MACROD2: variants seen among roughly 807,000 people sequenced by gnomAD.
MACROD2 encodes ADP-ribose glycohydrolase MACROD2.
Under a neutral mutation model 70.4 loss-of-function variants are expected in MACROD2, and 36 were observed. That is an observed-to-expected ratio of 0.51 (90% CI 0.39 to 0.68). MACROD2 has a LOEUF of 0.68. Among genes scored for constraint, MACROD2 ranks in the 30% least tolerant of loss-of-function variants. The probability of loss-of-function intolerance (pLI) is 0.00; values close to 1 mark genes in which losing one functional copy is unlikely to be tolerated. For synonymous variants in MACROD2, 172 were observed against 178.8 expected, an observed-to-expected ratio of 0.96 and a Z score of 0.30; for missense variants, 496 against 538.4, an observed-to-expected ratio of 0.92 and a Z score of 0.78.
chr20:14,843,560 T>G (rs1429911550), intron 5 of MACROD2, among the ~76,000 whole-genome samples: 1 of 152,090 alleles, frequency 6.6e-6, no homozygotes, highest in Non-Finnish European at 1.5e-5. Context: ...AAAACTAACC[T>G]CAATACATTC....
At chr20:14,944,743 A>C (rs1047945402) in intron 5 of MACROD2, among the ~76,000 whole-genome samples, 1 of 152,166 alleles carries the variant, frequency 6.6e-6, no homozygotes, top group African/African-American at 2.4e-5. Context: ...TGCAGACAGT[A>C]ATCACTGGTG....
At chr20:14,408,656 A>G (rs1185762110) in intron 3 of MACROD2, among the ~76,000 whole-genome samples, 1 of 152,182 alleles carries the variant, frequency 6.6e-6, no homozygotes, top group East Asian at 1.9e-4. Flanking sequence ...CCAAGTGGGT[A>G]GCGCCCACTA....
chr20:14,814,467 A>C (rs1280379877), intron 5 of MACROD2, among the ~76,000 whole-genome samples: 1 of 152,084 alleles, frequency 6.6e-6, no homozygotes, highest in Non-Finnish European at 1.5e-5. Context: ...TCTTTGTGAT[A>C]AGACATTCTA....
chr20:14,284,311 A>G (rs1338823806), intron 3 of MACROD2, among the ~76,000 whole-genome samples: 1 of 152,242 alleles, frequency 6.6e-6, no homozygotes, highest in Admixed American at 6.5e-5. Flanking sequence ...GTGGAAAGAC[A>G]TTATAAAACT....
intron 5 of MACROD2, among the ~76,000 whole-genome samples, chr20:14,696,625 C>A (rs1021686550): frequency 6.6e-6 from 1 of 152,098 alleles, no homozygotes; most frequent in Admixed American, 6.5e-5. Flanking sequence ...CTCTTCCTAC[C>A]TGTGACATTT....
chr20:15,039,347 G>A (rs2075337597), intron 5 of MACROD2, among the ~76,000 whole-genome samples: 1 of 152,178 alleles, frequency 6.6e-6, no homozygotes, highest in Non-Finnish European at 1.5e-5. Flanking sequence ...CTTATGACCT[G>A]ATCTTAGGGG....
At chr20:15,063,471 A>G (rs953420263) in intron 5 of MACROD2, among the ~76,000 whole-genome samples, 3 of 152,220 alleles carry the variant, frequency 2.0e-5, no homozygotes, top group African/African-American at 7.2e-5. Context: ...ATGGAATTTA[A>G]CATGACTGGC....
chr20:15,045,749 TTC>T, intron 5 of MACROD2, among the ~76,000 whole-genome samples: 1 of 138,796 alleles, frequency 7.2e-6, no homozygotes. Flanking sequence ...TTTTTTCCCT[TTC>T]TGATAACACA....
At chr20:15,610,439 G>C (rs1282521287) in intron 8 of MACROD2, among the ~76,000 whole-genome samples, 1 of 152,112 alleles carries the variant, frequency 6.6e-6, no homozygotes, top group Non-Finnish European at 1.5e-5. Context: ...TCCTGGACTT[G>C]TGGCTGTGTA....
chr20:14,030,821 A>C (rs1186266638), intron 2 of MACROD2, among the ~76,000 whole-genome samples: 1 of 146,840 alleles, frequency 6.8e-6, no homozygotes, highest in Admixed American at 6.7e-5. Context: ...CAGCTGAATG[A>C]AGAATTTTCT....
intron 8 of MACROD2, among the ~76,000 whole-genome samples, chr20:15,660,704 G>A (rs1297437855): frequency 6.6e-6 from 1 of 152,030 alleles, no homozygotes; most frequent in African/African-American, 2.4e-5. Flanking sequence ...TTTACTTTAA[G>A]GCATCACCAG....
intron 2 of MACROD2, among the ~76,000 whole-genome samples, chr20:14,007,224 CA>C (rs1960584647): frequency 6.6e-6 from 1 of 152,126 alleles, no homozygotes; most frequent in Admixed American, 6.5e-5. Flanking sequence ...TTTTATTATG[CA>C]GTACGGTTTA....
chr20:14,066,947 G>A (rs1214949710), intron 2 of MACROD2, among the ~76,000 whole-genome samples: 3 of 151,056 alleles, frequency 2.0e-5, no homozygotes, highest in African/African-American at 7.3e-5. Context: ...GAGTAGCTGG[G>A]ACTACAGGCG....
At chr20:15,375,041 C>A (rs1024160109) in intron 6 of MACROD2, among the ~76,000 whole-genome samples, 6 of 152,168 alleles carry the variant, frequency 3.9e-5, no homozygotes, top group African/African-American at 1.4e-4. Flanking sequence ...TTATTTCCTG[C>A]CTCTACTTGT....
chr20:15,301,523 A>G (rs1038075591), intron 6 of MACROD2, among the ~76,000 whole-genome samples: 1 of 149,926 alleles, frequency 6.7e-6, no homozygotes, highest in African/African-American at 2.4e-5. Context: ...TGAATTTCAG[A>G]CAGGTCACTG....
intron 8 of MACROD2, among the ~76,000 whole-genome samples, chr20:15,583,061 G>C (rs2048548429): frequency 1.3e-5 from 2 of 151,858 alleles, no homozygotes; most frequent in African/African-American, 4.9e-5. Flanking sequence ...AAAAAAATAA[G>C]TGCAGTGTGG....
chr20:14,198,999 T>C (rs2081456861), intron 3 of MACROD2, among the ~76,000 whole-genome samples: 1 of 152,180 alleles, frequency 6.6e-6, no homozygotes, highest in Non-Finnish European at 1.5e-5. Flanking sequence ...TCTTTCTTTT[T>C]CCCTTTCTTG....
At chr20:15,961,263 T>A (rs1438481745) in intron 12 of MACROD2, among the ~76,000 whole-genome samples, 1 of 152,088 alleles carries the variant, frequency 6.6e-6, no homozygotes, top group Non-Finnish European at 1.5e-5. Flanking sequence ...TCCTTCTAGG[T>A]GTCAGGAATA....
At chr20:14,729,315 A>G (rs1048967515) in intron 5 of MACROD2, among the ~76,000 whole-genome samples, 5 of 152,216 alleles carry the variant, frequency 3.3e-5, no homozygotes, top group African/African-American at 1.2e-4. Context: ...TTCTAATGAT[A>G]AGATTGACTA....
Sources: gnomAD v4.1 joint callset for allele counts (sites outside exome capture counted in the v4.1 genomes callset) on GRCh38, gnomAD v4.1.1 for gene constraint, MANE v1.5 for transcripts, NCBI Gene and HGNC (gene_info 2026-07-23, HGNC 2026-07-21) for gene names.